The following HIVEP1 variants were observed in gnomAD, a reference collection of about 807,000 sequenced individuals.
HIVEP1 encodes zinc finger protein 40.
In HIVEP1, 36 loss-of-function variants were observed where a neutral mutation model predicts 180.0. The ratio of observed to expected loss-of-function variants is 0.20; its 90% CI spans 0.15 to 0.26. The LOEUF is 0.26. HIVEP1 is among the 10% of genes least tolerant of loss of function. The probability of loss-of-function intolerance (pLI) is 1.00; values close to 1 mark genes in which losing one functional copy is unlikely to be tolerated. For missense variants in HIVEP1, 3,143 were observed against 3,268.7 expected (o/e 0.96, Z 0.94); for synonymous variants, 1,239 against 1,239.0 (o/e 1.00, Z 0.00).
the HIVEP1 span, among the ~76,000 whole-genome samples, chr6:12,171,464 AC>A: frequency 6.6e-6 from 1 of 152,160 alleles, no homozygotes; most frequent in Non-Finnish European, 1.5e-5. Context: ...CAAGATACAG[AC>A]AAAAGAGCAC....
the HIVEP1 span, among the ~76,000 whole-genome samples, chr6:12,172,964 A>C: frequency 6.6e-6 from 1 of 152,190 alleles, no homozygotes; most frequent in Non-Finnish European, 1.5e-5. Context: ...TAAATAATAG[A>C]TTTTGTAACC....
intron 1 of HIVEP1, among the ~76,000 whole-genome samples, chr6:12,015,004 C>T (rs1401770293): frequency 6.6e-6 from 1 of 152,212 alleles, no homozygotes; most frequent in Non-Finnish European, 1.5e-5. Context: ...GAAGTGAAGT[C>T]TCATCCGCTC....
the HIVEP1 span, among the ~76,000 whole-genome samples, chr6:12,195,099 A>T: frequency 2.0e-5 from 3 of 152,242 alleles, no homozygotes; most frequent in Admixed American, 2.0e-4. Context: ...TTAAGAGAAT[A>T]TCAAGTTGTT....
intron 2 of HIVEP1, among the ~76,000 whole-genome samples, chr6:12,042,446 T>A (rs1393784102): frequency 6.9e-6 from 1 of 145,738 alleles, no homozygotes; most frequent in Non-Finnish European, 1.5e-5. Context: ...AGTGGCCCGA[T>A]CACAGCTCAC....
At chr6:12,026,819 G>A (rs9470768) in intron 2 of HIVEP1, among the ~76,000 whole-genome samples, 29,081 of 152,126 alleles carry the variant, frequency 0.19, 2,856 homozygotes, top group Middle Eastern at 0.32. Context: ...ATCATCATGT[G>A]TATGAATAAA....
chr6:12,151,704 T>A (rs552839114), intron 7 of HIVEP1, among the ~76,000 whole-genome samples: 1 of 152,308 alleles, frequency 6.6e-6, no homozygotes, highest in African/African-American at 2.4e-5. Flanking sequence ...AGTAAATATT[T>A]TAGGCTTTGC....
intron 2 of HIVEP1, among the ~76,000 whole-genome samples, chr6:12,058,416 C>T (rs1771010368): frequency 6.6e-6 from 1 of 152,090 alleles, no homozygotes; most frequent in Non-Finnish European, 1.5e-5. Flanking sequence ...TTGGCTGGCT[C>T]TTTTGAAGTT....
chr6:12,044,909 C>G (rs910911921), intron 2 of HIVEP1, among the ~76,000 whole-genome samples: 7 of 152,252 alleles, frequency 4.6e-5, no homozygotes, highest in South Asian at 4.1e-4. Flanking sequence ...CTGACTGGAC[C>G]CACATCCCTC....
At chr6:12,078,719 C>CACACACACACATATATATATATAT (rs758199591) in intron 2 of HIVEP1, among the ~76,000 whole-genome samples, 3 of 146,358 alleles carry the variant, frequency 2.0e-5, no homozygotes, top group Admixed American at 6.8e-5. Context: ...CACACACACA[C>CACACACACACATATATATATATAT]ATATATATAT....
At chr6:12,187,799 T>C in the HIVEP1 span, among the ~76,000 whole-genome samples, 32 of 152,082 alleles carry the variant, frequency 2.1e-4, no homozygotes, top group Non-Finnish European at 4.4e-4. Flanking sequence ...TTGGCCAGGC[T>C]GGTCTTGAAC....
At chr6:12,078,270 G>A (rs889556997) in intron 2 of HIVEP1, among the ~76,000 whole-genome samples, 1 of 152,074 alleles carries the variant, frequency 6.6e-6, no homozygotes, top group Non-Finnish European at 1.5e-5. Context: ...GAATAGTCTC[G>A]GTGGTCTGTG....
At chr6:12,119,785 C>T (rs1775445490) in intron 3 of HIVEP1, 105 bp from the exon 4 acceptor site, 2 of 697,522 alleles carry the variant, frequency 2.9e-6, no homozygotes, top group Admixed American at 2.8e-5. Flanking sequence ...ATACTTTCTT[C>T]ACTTGTCATA....
At chr6:12,162,682 G>T (rs1403270101) in intron 8 of HIVEP1, among the ~76,000 whole-genome samples, 3 of 152,178 alleles carry the variant, frequency 2.0e-5, no homozygotes, top group Non-Finnish European at 4.4e-5. Flanking sequence ...GTGGCAGATT[G>T]TGCTGTAAGC....
intron 2 of HIVEP1, among the ~76,000 whole-genome samples, chr6:12,084,011 C>G (rs192671270): frequency 4.6e-5 from 7 of 152,198 alleles, no homozygotes; most frequent in African/African-American, 1.7e-4. Flanking sequence ...CTGTGTTATC[C>G]TGGGCTCTGG....
At position 12,136,127 on chromosome 6, in the gene HIVEP1, C is replaced by T. The variant is rs1758690824; in HGVS notation, c.6487+235C>T. 2.6e-5 allele frequency among the ~76,000 whole-genome samples: 4 copies of T among 152,294 alleles called. No individual in the cohort carries two copies. In the South Asian group the frequency reaches 8.3e-4, roughly 32 times the overall value. On this transcript the variant is annotated intron_variant, in intron 7 of 8. Transcript: ENST00000379388. ...GAAGCATGTGTCTGATCATACCTCT[C>T]CTCTGCTCAGAGGTTCTCATCGGTT...
intron 2 of HIVEP1, among the ~76,000 whole-genome samples, chr6:12,048,215 C>A (rs1770264901): frequency 6.6e-6 from 1 of 152,184 alleles, no homozygotes; most frequent in Non-Finnish European, 1.5e-5. Flanking sequence ...AGTAGGTGGG[C>A]CATGGTGAAG....
intron 3 of HIVEP1, among the ~76,000 whole-genome samples, chr6:12,098,852 T>A (rs1190941909): frequency 1.3e-5 from 2 of 152,370 alleles, no homozygotes; most frequent in South Asian, 2.1e-4. Flanking sequence ...TGCTTCACTG[T>A]GCAAAGGGTA....
chr6:12,202,647 T>C, the HIVEP1 span, among the ~76,000 whole-genome samples: 5 of 152,224 alleles, frequency 3.3e-5, no homozygotes, highest in African/African-American at 1.2e-4. Context: ...TAAATGTTGG[T>C]TGGATAAACC....
At chr6:12,167,008 G>A (rs1009194186), downstream of HIVEP1, among the ~76,000 whole-genome samples, 10 of 152,106 alleles carry the variant, frequency 6.6e-5, no homozygotes, top group African/African-American at 2.2e-4. Flanking sequence ...AATCGAGGGC[G>A]TTCCAATAAC....
Sources: allele counts gnomAD v4.1 joint callset (sites outside exome capture counted in the v4.1 genomes callset), GRCh38; gene constraint gnomAD v4.1.1; transcripts MANE v1.5; gene names NCBI Gene and HGNC (gene_info 2026-07-23, HGNC 2026-07-21).